GDA: variants seen among roughly 807,000 people sequenced by gnomAD.
GDA encodes the protein guanine deaminase.
In GDA, 18 loss-of-function variants were observed where a neutral mutation model predicts 59.6. The observed-to-expected ratio is 0.30, with a 90% CI of 0.21 to 0.45. The LOEUF is 0.45. Among genes scored for constraint, GDA ranks in the 20% least tolerant of loss-of-function variants. The pLI is 1.00. For missense variants in GDA, 427 were observed against 552.3 expected, an observed-to-expected ratio of 0.77 and a Z score of 2.27; for synonymous variants, 201 against 201.1, an observed-to-expected ratio of 1.00 and a Z score of 0.00.
chr9:72,250,849 C>A lies in GDA; in HGVS notation c.*2507C>A, dbSNP rs771366176. The A allele has an allele frequency of 1.2e-6, 2 of 1,606,622 alleles. No individual in the cohort carries two copies. Among genetic ancestry groups the A allele is most frequent in the East Asian group, 2.2e-5 (1 of 44,818 alleles). On this transcript the variant is annotated 3_prime_UTR_variant, in exon 14 of 14. Coordinates refer to ENST00000358399, the MANE Select transcript of GDA (RefSeq NM_004293.5). The stretch of plus-strand genomic sequence containing the variant: ...CGGAATACACTTTGAAAGGTAAAAA[C>A]AATTCAAAAGTATCGATTATCATAA...
At chr9:72,172,896 C>T (rs943357181) in intron 1 of GDA, among the ~76,000 whole-genome samples, 1 of 152,098 alleles carries the variant, frequency 6.6e-6, no homozygotes, top group Non-Finnish European at 1.5e-5. Context: ...GTCTAGCATT[C>T]TGTTTGGTGC....
chr9:72,249,120 A>G lies in GDA; in HGVS notation c.*778A>G, dbSNP rs1840442915. 1 of 975,456 alleles carries G rather than the reference A, an allele frequency of 1.0e-6. No homozygotes were observed. The highest frequency in any genetic ancestry group is 1.8e-5 in the African/African-American group (1 of 57,026). 60.4% of individuals were successfully genotyped at this position (975,456 alleles called of 1,614,324 possible). On this transcript the variant is annotated 3_prime_UTR_variant, in exon 14 of 14. Transcript: ENST00000358399. ...GGCATAAATAGTTGTATTTTTGTGT[A>G]CTTTAAAATCAACTTATAACTGTGA...
chr9:72,181,741 G>A (rs913440379), intron 1 of GDA, among the ~76,000 whole-genome samples: 1 of 152,112 alleles, frequency 6.6e-6, no homozygotes, highest in Admixed American at 6.6e-5. Flanking sequence ...CCGGGCTCAA[G>A]CAATCCTCAC....
intron 1 of GDA, among the ~76,000 whole-genome samples, chr9:72,121,714 C>T (rs1825668352): frequency 6.6e-6 from 1 of 152,182 alleles, no homozygotes; most frequent in African/African-American, 2.4e-5. Flanking sequence ...GACAAACTTC[C>T]TGAAAGACTT....
chr9:72,231,394 G>A (rs1421252117), intron 10 of GDA, among the ~76,000 whole-genome samples: 4 of 151,816 alleles, frequency 2.6e-5, no homozygotes, highest in African/African-American at 4.8e-5. Flanking sequence ...GGGAAACCTC[G>A]TCTCTACTAA....
intron 1 of GDA, among the ~76,000 whole-genome samples, chr9:72,192,222 C>CA (rs1832639162): frequency 3.1e-5 from 3 of 97,526 alleles, no homozygotes; most frequent in Admixed American, 2.3e-4. Flanking sequence ...TTTCAAATAG[C>CA]CTTTTTTTTT....
chr9:72,187,675 G>A (rs1323379002), intron 1 of GDA, among the ~76,000 whole-genome samples: 2 of 152,244 alleles, frequency 1.3e-5, no homozygotes, highest in Non-Finnish European at 2.9e-5. Flanking sequence ...TGGAGAAGCA[G>A]GCTAGAAAAA....
chr9:72,127,365 G>T (rs1004314501), intron 1 of GDA, among the ~76,000 whole-genome samples: 4 of 152,022 alleles, frequency 2.6e-5, no homozygotes, highest in Non-Finnish European at 5.9e-5. Flanking sequence ...TGGGCTGGGC[G>T]CGGTGGCTCA....
At chr9:72,215,198 A>G (rs992013475) in intron 5 of GDA, among the ~76,000 whole-genome samples, 1 of 152,244 alleles carries the variant, frequency 6.6e-6, no homozygotes, top group Admixed American at 6.5e-5. Flanking sequence ...AATAGTATAC[A>G]AGAAGTTAGG....
chr9:72,188,542 TG>T (rs1832125519), intron 1 of GDA, among the ~76,000 whole-genome samples: 2 of 152,220 alleles, frequency 1.3e-5, no homozygotes, highest in African/African-American at 4.8e-5. Context: ...GCAAGATCTA[TG>T]GGGGCATGGC....
intron 10 of GDA, among the ~76,000 whole-genome samples, chr9:72,240,492 T>C (rs1839491233): frequency 6.6e-6 from 1 of 152,176 alleles, no homozygotes. Flanking sequence ...TTGAGTATTG[T>C]GGTGGGTTGA....
At chr9:72,226,685 AC>A (rs1261183624) in intron 8 of GDA, among the ~76,000 whole-genome samples, 2 of 152,238 alleles carry the variant, frequency 1.3e-5, no homozygotes, top group African/African-American at 4.8e-5. Flanking sequence ...AAAGGTTAAT[AC>A]TTTGCATAAA....
intron 1 of GDA, among the ~76,000 whole-genome samples, chr9:72,128,821 T>G (rs767406610): frequency 1.3e-5 from 2 of 152,116 alleles, no homozygotes; most frequent in Non-Finnish European, 2.9e-5. Context: ...AAAAATAAAA[T>G]AGTGAATAGC....
chr9:72,238,689 A>T (rs11143191), intron 10 of GDA, among the ~76,000 whole-genome samples: 37,144 of 152,040 alleles, frequency 0.24, 5,097 homozygotes, highest in East Asian at 0.53. Flanking sequence ...ATAGTGTCCA[A>T]ATGTTGGCTC....
chr9:72,224,032 T>G (rs1158978476), intron 7 of GDA, among the ~76,000 whole-genome samples: 1 of 152,244 alleles, frequency 6.6e-6, no homozygotes, highest in East Asian at 1.9e-4. Context: ...ATTTGCAGCC[T>G]ATAATTTTTG....
chr9:72,133,296 A>AAAAT (rs1826093130), intron 1 of GDA, among the ~76,000 whole-genome samples: 1 of 95,502 alleles, frequency 1.0e-5, no homozygotes, highest in African/African-American at 3.4e-5. Flanking sequence ...CTAAAAAAAA[A>AAAAT]AAAAAAAAAA....
downstream of GDA, among the ~76,000 whole-genome samples, chr9:72,255,431 C>T (rs1437396767): frequency 6.6e-6 from 1 of 152,162 alleles, no homozygotes; most frequent in African/African-American, 2.4e-5. Context: ...CCTGTTTAGA[C>T]CAGATCCTGT....
chr9:72,149,146 G>A (rs1007200208), upstream of GDA, among the ~76,000 whole-genome samples: 32 of 152,330 alleles, frequency 2.1e-4, no homozygotes, highest in African/African-American at 7.5e-4. Context: ...GGACCTGAGT[G>A]CTACAGGTTG....
intron 5 of GDA, among the ~76,000 whole-genome samples, chr9:72,218,808 G>A (rs1471474713): frequency 1.3e-5 from 2 of 152,204 alleles, no homozygotes; most frequent in Non-Finnish European, 2.9e-5. Flanking sequence ...CAAGTGCATA[G>A]GACTTCATGA....
Sources: gnomAD v4.1 joint callset for allele counts (sites outside exome capture counted in the v4.1 genomes callset) on GRCh38, gnomAD v4.1.1 for gene constraint, MANE v1.5 for transcripts, NCBI Gene and HGNC (gene_info 2026-07-23, HGNC 2026-07-21) for gene names.